The following MBTD1 variants were observed in gnomAD, a reference collection of about 807,000 sequenced individuals.
MBTD1 encodes mbt domain containing 1, also known as MBT domain-containing protein 1.
A neutral mutation model predicts 87.8 loss-of-function variants in MBTD1; 24 were observed. The observed-to-expected ratio is 0.27, with a 90% confidence interval of 0.20 to 0.38. The LOEUF is 0.38. Among genes scored for constraint, MBTD1 ranks in the 10% least tolerant of loss-of-function variants. The probability of loss-of-function intolerance (pLI) is 1.00; values close to 1 mark genes in which losing one functional copy is unlikely to be tolerated. For missense variants in MBTD1, 436 were observed against 760.2 expected, an observed-to-expected ratio of 0.57 and a Z score of 5.02; for synonymous variants, 237 against 248.6, an observed-to-expected ratio of 0.95 and a Z score of 0.44.
At chr17:51,234,905 C>T (rs8074107) in intron 2 of MBTD1, among the ~76,000 whole-genome samples, 150,417 of 152,174 alleles carry the variant, frequency 0.99, 74,365 homozygotes, top group Middle Eastern at 1. Flanking sequence ...CCATGTTGGT[C>T]AGGTTGGTCT....
intron 2 of MBTD1, among the ~76,000 whole-genome samples, chr17:51,255,529 A>G (rs544063490): frequency 8.8e-4 from 134 of 152,226 alleles, no homozygotes; most frequent in Admixed American, 2.0e-3. Flanking sequence ...TCTGGTGTAT[A>G]AAATAATCTC....
At chr17:51,241,047 C>T (rs1166481985) in intron 2 of MBTD1, among the ~76,000 whole-genome samples, 2 of 151,696 alleles carry the variant, frequency 1.3e-5, no homozygotes, top group Admixed American at 6.6e-5. Flanking sequence ...GGCGTGATTT[C>T]GGCTCACTGC....
At chr17:51,258,821 G>C (rs1224146243) in intron 2 of MBTD1, among the ~76,000 whole-genome samples, 1 of 152,170 alleles carries the variant, frequency 6.6e-6, no homozygotes, top group Non-Finnish European at 1.5e-5. Flanking sequence ...AACATCTTCA[G>C]GCATGTAAGC....
intron 2 of MBTD1, among the ~76,000 whole-genome samples, chr17:51,242,831 C>A (rs958232933): frequency 6.6e-6 from 1 of 152,128 alleles, no homozygotes; most frequent in African/African-American, 2.4e-5. Context: ...CCATTTCCTT[C>A]ACAAAAGTCA....
intron 5 of MBTD1, 97 bp downstream of exon 5, chr17:51,218,833 C>T (rs1363488984): frequency 2.7e-6 from 2 of 732,948 alleles, no homozygotes; most frequent in Non-Finnish European, 4.7e-6. Flanking sequence ...GACATAGAAA[C>T]AGCTAGTTAA....
chr17:51,199,151 T>A (rs1276796720), intron 12 of MBTD1, among the ~76,000 whole-genome samples: 1 of 152,066 alleles, frequency 6.6e-6, no homozygotes, highest in African/African-American at 2.4e-5. Context: ...CAGGCTGGAG[T>A]GCAATAGCAC....
At chr17:51,192,160 T>C in intron 16 of MBTD1, 43 bp downstream of exon 16, 4 of 1,325,898 alleles carry the variant, frequency 3.0e-6, no homozygotes, top group Non-Finnish European at 4.2e-6. Flanking sequence ...CTCCAATTAG[T>C]TAACAATTAG....
At chr17:51,219,730 T>C (rs2052776500) in intron 4 of MBTD1, among the ~76,000 whole-genome samples, 1 of 152,226 alleles carries the variant, frequency 6.6e-6, no homozygotes, top group Admixed American at 6.5e-5. Context: ...TCAGTTAAGT[T>C]AATGCCTTTA....
chr17:51,211,122 G>A (rs1262011391), intron 6 of MBTD1, among the ~76,000 whole-genome samples: 2 of 140,190 alleles, frequency 1.4e-5, no homozygotes, highest in Non-Finnish European at 3.0e-5. Flanking sequence ...GGGTGACAGA[G>A]CAAGACTACA....
chr17:51,211,007 C>T (rs1020492683), intron 6 of MBTD1, among the ~76,000 whole-genome samples: 24 of 151,506 alleles, frequency 1.6e-4, no homozygotes, highest in South Asian at 6.2e-4. Context: ...TGTGGTGGCA[C>T]GCACCTGTAG....
chr17:51,226,310 G>T (rs932868162), intron 2 of MBTD1, among the ~76,000 whole-genome samples: 2 of 151,592 alleles, frequency 1.3e-5, no homozygotes, highest in Non-Finnish European at 2.9e-5. Context: ...GAGTTGAGGA[G>T]TTTGAGACCA....
chr17:51,192,411 T>G lies in MBTD1; in HGVS notation c.1691-131A>C, dbSNP rs918773942. ...ACTTAAGTACATGATGCTCTGAAAA[T>G]AAGGGTACTTGTTCCTACAAAACCA... is the stretch of plus-strand genomic sequence containing the variant. On this transcript the variant is annotated intron_variant, in intron 15 of 16. Coordinates refer to ENST00000586178, the MANE Select transcript of MBTD1 (RefSeq NM_017643.3). The G allele has an allele frequency of 4.4e-6, 3 of 688,202 alleles. No individual in the cohort carries two copies. In the East Asian group the frequency reaches 8.2e-5, roughly 19 times the overall value. The allele number at this position is 688,202 out of a possible 1,614,324, so 42.6% of individuals were successfully genotyped here.
At position 51,192,248 on chromosome 17, in the gene MBTD1, G is replaced by A; in HGVS notation, c.1723C>T (p.Gln575Ter). 1 of 1,551,150 alleles carries A rather than the reference G, an allele frequency of 6.4e-7. No individual in the cohort carries two copies. The highest frequency in any genetic ancestry group is 8.7e-7 in the Non-Finnish European group (1 of 1,146,742). ...TGCTGGGACTTAGCCTTTTTCTTCT[G>A]TTTTGATGAAGCTGATTGGTTTTCT... ...SRENQSASSKQKKKAKSQQYK... is the reference protein window; with the variant it reads ...SRENQSASSK The change falls in exon 16 of 17, where the codon CAG (glutamine) becomes TAG (stop). Residue 575 changes from glutamine (Q) to a stop codon, truncating the protein, a stop_gained. Coordinates refer to ENST00000586178, the MANE Select transcript of MBTD1 (RefSeq NM_017643.3). LOFTEE classifies it high-confidence loss of function.
rs1555673727 is a variant in MBTD1 at position 51,179,496 on chromosome 17, A to ATATATATATTTATATT, written c.*1079_*1080insAATATAAATATATATA. 24 of 53,088 alleles carry ATATATATATTTATATT rather than the reference A, an allele frequency of 4.5e-4. 1 individual carries two copies. Among genetic ancestry groups the ATATATATATTTATATT allele is most frequent in the African/African-American group, 1.2e-3 (16 of 13,166 alleles). The allele number at this position is 53,088 out of a possible 1,614,324, so 3.3% of individuals were successfully genotyped here. On this transcript the variant is annotated 3_prime_UTR_variant, in exon 17 of 17. Transcript: ENST00000586178. ...ATTAAAGACAATTTTATATATATAT[A>ATATATATATTTATATT]TATATATATATATATATATATATAT...
intron 2 of MBTD1, among the ~76,000 whole-genome samples, chr17:51,245,525 T>C (rs936454952): frequency 5.3e-5 from 8 of 152,120 alleles, no homozygotes; most frequent in East Asian, 1.9e-4. Flanking sequence ...TTAGATCTAA[T>C]GTGTCTGGAC....
At chr17:51,208,138 T>TA (rs1416543347) in intron 6 of MBTD1, among the ~76,000 whole-genome samples, 2 of 152,188 alleles carry the variant, frequency 1.3e-5, no homozygotes, top group East Asian at 3.8e-4. Context: ...AGGATTAGCC[T>TA]AAAACAACAT....
At chr17:51,230,942 G>A (rs2053515937) in intron 2 of MBTD1, among the ~76,000 whole-genome samples, 1 of 151,734 alleles carries the variant, frequency 6.6e-6, no homozygotes, top group African/African-American at 2.4e-5. Context: ...TATACTCATA[G>A]TTTTTTTTGT....
rs1385266270 is a variant in MBTD1, at chr17:51,179,514, A to ATTTT, written c.*1061_*1062insAAAA. 5.2e-5 allele frequency: 5 copies of ATTTT among 96,084 alleles called. No homozygotes were observed. Among genetic ancestry groups the ATTTT allele is most frequent in the African/African-American group, 2.2e-4 (5 of 22,256 alleles). The allele number at this position is 96,084 out of a possible 1,614,324, so 6.0% of individuals were successfully genotyped here. A position where few individuals can be genotyped will look rare whatever the true frequency, so the allele number is the denominator to read the frequency against. ...TATATATATATATATATATATATAT[A>ATTTT]TATATATATATATATATATATATGG... On this transcript the variant is annotated 3_prime_UTR_variant, in exon 17 of 17. Transcript: ENST00000586178.
intron 16 of MBTD1, among the ~76,000 whole-genome samples, chr17:51,188,017 C>T (rs935914973): frequency 6.6e-6 from 1 of 152,116 alleles, no homozygotes; most frequent in African/African-American, 2.4e-5. Flanking sequence ...CACAGTATTC[C>T]TATGTAAAAT....
Sources: allele counts gnomAD v4.1 joint callset (sites outside exome capture counted in the v4.1 genomes callset), GRCh38; gene constraint gnomAD v4.1.1; transcripts MANE v1.5; gene names NCBI Gene and HGNC (gene_info 2026-07-23, HGNC 2026-07-21).